Variants in ITGA9 observed in about 807,000 individuals in gnomAD.
The protein encoded by ITGA9 is integrin alpha-9.
ITGA9 carries 56 observed loss-of-function variants against 127.8 expected under a neutral mutation model. The observed-to-expected ratio is 0.44, with a 90% CI of 0.35 to 0.55. The LOEUF is 0.55. Ranked by LOEUF, ITGA9 falls within the 20% of genes least tolerant of loss-of-function variation. ITGA9 has a pLI of 0.00. For missense variants in ITGA9, 1,196 were observed against 1,347.1 expected, an observed-to-expected ratio of 0.89 and a Z score of 1.76; for synonymous variants, 508 against 514.5, an observed-to-expected ratio of 0.99 and a Z score of 0.17.
intron 17 of ITGA9, among the ~76,000 whole-genome samples, chr3:37,664,420 CTTTTTTTT>C (rs35312679): frequency 9.6e-5 from 11 of 114,928 alleles, no homozygotes; most frequent in Admixed American, 9.4e-4. Flanking sequence ...TCAGCACATT[CTTTTTTTT>C]TTTTTTTTTT....
intron 16 of ITGA9, among the ~76,000 whole-genome samples, chr3:37,645,792 C>G (rs147670431): frequency 6.6e-6 from 1 of 152,304 alleles, no homozygotes; most frequent in East Asian, 1.9e-4. Flanking sequence ...GATAGCTGGA[C>G]TAGGCTAAGA....
chr3:37,473,218 A>G (rs1698455328), intron 2 of ITGA9, 136 bp from the exon 3 acceptor site: 2 of 663,962 alleles, frequency 3.0e-6, no homozygotes, highest in African/African-American at 1.8e-5. Flanking sequence ...TAAACAGTAT[A>G]GTACATAGTG....
intron 15 of ITGA9, among the ~76,000 whole-genome samples, chr3:37,581,500 C>T (rs576671126): frequency 5.9e-5 from 9 of 152,264 alleles, no homozygotes; most frequent in South Asian, 2.1e-4. Flanking sequence ...AGAGAGAATG[C>T]GTGTTCTTAG....
At chr3:37,644,357 T>A (rs544795550) in intron 16 of ITGA9, among the ~76,000 whole-genome samples, 2 of 152,154 alleles carry the variant, frequency 1.3e-5, no homozygotes, top group Non-Finnish European at 1.5e-5. Flanking sequence ...AAATACCACA[T>A]GTTCTCGTTT....
At chr3:37,697,664 C>G (rs950730527) in intron 18 of ITGA9, among the ~76,000 whole-genome samples, 2 of 152,156 alleles carry the variant, frequency 1.3e-5, no homozygotes, top group African/African-American at 4.8e-5. Context: ...AGGACATGAA[C>G]TCATCCCTTT....
chr3:37,452,584 C>T lies in ITGA9; in HGVS notation c.185+25C>T. On this transcript the variant is annotated intron_variant, in intron 1 of 27. Transcript: ENST00000264741. The surrounding 1 kb of genome is among the most constrained non-coding windows in gnomAD (Gnocchi z 7.3). Reference sequence around the variant, plus strand: ...GGTGAGTGCCCGCCCGACTCCGCGACCCTGGCCCGCGCGGCCACCGCCCCG... The same window carrying T: ...GGTGAGTGCCCGCCCGACTCCGCGATCCTGGCCCGCGCGGCCACCGCCCCG... The T allele has an allele frequency of 6.7e-7, 1 of 1,489,360 alleles. No individual in the cohort carries two copies. 92.3% of individuals were successfully genotyped at this position (1,489,360 alleles called of 1,614,324 possible). A position where few individuals can be genotyped will look rare whatever the true frequency, so the allele number is the denominator to read the frequency against.
At chr3:37,511,029 A>G (rs1401680866) in intron 8 of ITGA9, among the ~76,000 whole-genome samples, 3 of 152,352 alleles carry the variant, frequency 2.0e-5, no homozygotes, top group African/African-American at 4.8e-5. Flanking sequence ...CAGGCTTTCA[A>G]AGGATGCCTT....
intron 27 of ITGA9, among the ~76,000 whole-genome samples, chr3:37,810,502 G>A (rs576437347): frequency 8.6e-5 from 13 of 151,690 alleles, no homozygotes; most frequent in Middle Eastern, 6.8e-3. Flanking sequence ...TGCAACCTCC[G>A]CCTCCCGGGT....
At chr3:37,713,580 G>A (rs867937164) in intron 18 of ITGA9, among the ~76,000 whole-genome samples, 22 of 152,174 alleles carry the variant, frequency 1.4e-4, no homozygotes, top group African/African-American at 4.8e-4. Context: ...TGAGCTGGTT[G>A]GAGCTGGGGA....
chr3:37,790,076 TA>T, intron 26 of ITGA9: 1 of 555,274 alleles, frequency 1.8e-6, no homozygotes. Context: ...TTATGATTGT[TA>T]AGAAGTGTCA....
In ITGA9 at chr3:37,774,717, C is replaced by CA. The variant is rs377239886; in HGVS notation, c.2542-2665dup. Among the ~76,000 whole-genome samples, 1,318 of 132,850 alleles carry CA rather than the reference C, an allele frequency of 9.9e-3. 10 individuals are homozygous for CA. Among genetic ancestry groups the CA allele is most frequent in the Middle Eastern group, 0.056 (15 of 268 alleles). 87.2% of individuals were successfully genotyped at this position (132,850 alleles called of 152,430 possible). On this transcript the variant is annotated intron_variant, in intron 23 of 27. Transcript: ENST00000264741. ...GCCTGGGAGACAGAGACCCTGTCTCCAAAAAAAAAACAAAAAACAAAAAAC... is the reference window on the plus strand; with the variant it reads ...GCCTGGGAGACAGAGACCCTGTCTCCAAAAAAAAAAACAAAAAACAAAAAAC...
At chr3:37,663,995 A>T (rs532595269) in intron 17 of ITGA9, among the ~76,000 whole-genome samples, 48 of 152,208 alleles carry the variant, frequency 3.2e-4, no homozygotes, top group Admixed American at 7.2e-4. Flanking sequence ...CCTCAACAAC[A>T]CTGAGAATAA....
intron 15 of ITGA9, among the ~76,000 whole-genome samples, chr3:37,610,335 A>C (rs550071104): frequency 2.0e-5 from 3 of 152,206 alleles, no homozygotes; most frequent in Admixed American, 6.5e-5. Context: ...AAATTTGTTC[A>C]AAGTTTCCAT....
At chr3:37,503,149 C>T in intron 5 of ITGA9, 29 bp from the exon 6 acceptor site, 1 of 1,613,248 alleles carries the variant, frequency 6.2e-7, no homozygotes, top group East Asian at 2.2e-5. Context: ...ACTTCCTTCT[C>T]TGCTTACCGT....
At chr3:37,582,100 C>T (rs1699715143) in intron 15 of ITGA9, among the ~76,000 whole-genome samples, 1 of 152,196 alleles carries the variant, frequency 6.6e-6, no homozygotes, top group African/African-American at 2.4e-5. Context: ...AAGAAACCCT[C>T]CACGTGTTTT....
intron 1 of ITGA9, among the ~76,000 whole-genome samples, chr3:37,463,356 G>A (rs528619188): frequency 6.6e-6 from 1 of 152,296 alleles, no homozygotes; most frequent in East Asian, 1.9e-4. Flanking sequence ...GTTCAGCTGG[G>A]TGGTTCTTCT....
chr3:37,516,938 A>G (rs1698989253), intron 9 of ITGA9, among the ~76,000 whole-genome samples: 1 of 152,126 alleles, frequency 6.6e-6, no homozygotes, highest in African/African-American at 2.4e-5. Context: ...TACCTGAGCC[A>G]TGCATGAATA....
At chr3:37,588,753 G>A (rs1699784357) in intron 15 of ITGA9, among the ~76,000 whole-genome samples, 1 of 152,194 alleles carries the variant, frequency 6.6e-6, no homozygotes, top group Non-Finnish European at 1.5e-5. Flanking sequence ...AAGGGACTTC[G>A]GCGGAAGCCA....
chr3:37,784,890 TG>T, intron 25 of ITGA9, 86 bp from the exon 26 acceptor site: 1 of 1,128,002 alleles, frequency 8.9e-7, no homozygotes, highest in Non-Finnish European at 1.3e-6. Context: ...CATGGAATCA[TG>T]GAATTTCAGT....
Sources: gnomAD v4.1 joint callset for allele counts (sites outside exome capture counted in the v4.1 genomes callset) on GRCh38, gnomAD v4.1.1 for gene constraint, Gnocchi (gnomAD v3.1) non-coding constraint, MANE v1.5 for transcripts, NCBI Gene and HGNC (gene_info 2026-07-23, HGNC 2026-07-21) for gene names.